Variants in SMU1 observed in about 807,000 individuals in gnomAD.
SMU1 encodes WD40 repeat-containing protein SMU1.
Under a neutral mutation model 62.0 loss-of-function variants are expected in SMU1, and 2 were observed. That is an observed-to-expected ratio of 0.03 (90% CI 0.01 to 0.10). SMU1 has a LOEUF of 0.10. Ranked by LOEUF, SMU1 falls within the 10% of genes least tolerant of loss-of-function variation. The pLI is 1.00. For synonymous variants in SMU1, 188 were observed against 212.4 expected, an observed-to-expected ratio of 0.89 and a Z score of 1.00; for missense variants, 227 against 622.1, an observed-to-expected ratio of 0.36 and a Z score of 6.76.
chr9:33,075,453 GTA>G (rs1186781536), intron 1 of SMU1, among the ~76,000 whole-genome samples: 1 of 151,952 alleles, frequency 6.6e-6, no homozygotes, highest in Non-Finnish European at 1.5e-5. Context: ...AGGTATGCAG[GTA>G]TCCAGACTTA....
In SMU1 at chr9:33,061,055, A is replaced by C. The variant is rs569712943; in HGVS notation, c.631-471T>G. On this transcript the variant is annotated intron_variant, in intron 5 of 11. Transcript: ENST00000397149. ...AATAAACTTTCTATCAGTGTTTCAC[A>C]ACCTTCATTTAATGAAGTGATAATG... Among the ~76,000 whole-genome samples, 3 of 152,350 alleles carry C rather than the reference A, an allele frequency of 2.0e-5. No homozygotes were observed. The South Asian group carries it at 6.2e-4, about 32-fold the overall frequency.
At chr9:33,055,987 T>C in intron 9 of SMU1, 126 bp downstream of exon 9, 3 of 937,750 alleles carry the variant, frequency 3.2e-6, no homozygotes, top group Non-Finnish European at 4.5e-6. Context: ...TCACCTCAAT[T>C]ACAGCTAAAA....
At chr9:33,071,982 T>A in intron 2 of SMU1, 90 bp from the exon 3 acceptor site, 1 of 1,295,494 alleles carries the variant, frequency 7.7e-7, no homozygotes, top group Non-Finnish European at 1.0e-6. Context: ...AACACAGATA[T>A]GGCCTGTCAA....
Position 33,048,154 on chromosome 9 carries a change from C to A in SMU1, c.1395G>T (p.Val465=). The change falls in exon 11 of 12, where the codon GTG becomes GTT. Residue 465 remains valine, a synonymous_variant. Coordinates refer to ENST00000397149, the MANE Select transcript of SMU1 (RefSeq NM_018225.3). ...CAGTGACTGTACTGAAACAGTAGAG[C>A]ACAAAGTCCTCCCCTACACAGTAGA... ...EWIYCVGEDF[V]LYCFSTVTGK... 6.2e-7 allele frequency: 1 copy of A among 1,614,044 alleles called. No individual in the cohort carries two copies.
chr9:33,075,803 T>C (rs1587715168), intron 1 of SMU1, among the ~76,000 whole-genome samples: 1 of 152,188 alleles, frequency 6.6e-6, no homozygotes, highest in Admixed American at 6.5e-5. Flanking sequence ...TCTGTTAATT[T>C]AATTATTATT....
At chr9:33,056,359 G>A in intron 8 of SMU1, 120 bp from the exon 9 acceptor site, 1 of 1,024,868 alleles carries the variant, frequency 9.8e-7, no homozygotes. Flanking sequence ...AAGTGAAGAG[G>A]GCTATGTGAT....
chr9:33,055,917 T>A (rs1189900917), intron 9 of SMU1, among the ~76,000 whole-genome samples, 196 bp downstream of exon 9: 1 of 152,210 alleles, frequency 6.6e-6, no homozygotes, highest in African/African-American at 2.4e-5. Flanking sequence ...TGAAAAGGTT[T>A]GAGATTGGGG....
At chr9:33,053,086 C>T (rs1839266984) in intron 10 of SMU1, 37 bp downstream of exon 10, 7 of 1,594,816 alleles carry the variant, frequency 4.4e-6, no homozygotes, top group Non-Finnish European at 6.0e-6. Flanking sequence ...GGGAATGGCC[C>T]ACAGTTCCTG....
intron 2 of SMU1, among the ~76,000 whole-genome samples, chr9:33,072,603 G>A (rs1429948010): frequency 2.0e-5 from 3 of 152,082 alleles, no homozygotes; most frequent in Non-Finnish European, 4.4e-5. Flanking sequence ...GGCTGAGGCA[G>A]GTGGATCACT....
At chr9:33,072,213 T>G (rs1453770489) in intron 2 of SMU1, among the ~76,000 whole-genome samples, 1 of 152,166 alleles carries the variant, frequency 6.6e-6, no homozygotes, top group African/African-American at 2.4e-5. Flanking sequence ...GGTATATGCC[T>G]GTAATTCCAG....
In SMU1 at chr9:33,068,809, C is replaced by T; in HGVS notation, c.501+15G>A. The T allele has an allele frequency of 3.1e-6, 5 of 1,613,310 alleles. No homozygotes were observed. Among genetic ancestry groups the T allele is most frequent in the Non-Finnish European group, 4.2e-6 (5 of 1,179,720 alleles). On this transcript the variant is annotated intron_variant, in intron 4 of 11. Transcript: ENST00000397149. ...TGTGAGCCACCACACCTGGCCTCTA[C>T]AGGAATTGAATTACCTGTCCCAGCA...
In SMU1 at chr9:33,071,791, T is replaced by C; in HGVS notation, c.339A>G (p.Arg113=). ...CCAAAAGGTTCTCCAGATGAATATA[T>C]CGCTCTGGCTGTGTTTGTTTTAACA... ...MIMLKQTQPE[R]YIHLENLLAR... is the part of the protein sequence containing the mutation. Residue 113 remains arginine (R), a synonymous_variant, in exon 3 of 12, where the codon CGA becomes CGG. Transcript: ENST00000397149. 6.2e-7 allele frequency: 1 copy of C among 1,612,458 alleles called. No homozygotes were observed. Among genetic ancestry groups the C allele is most frequent in the Non-Finnish European group, 8.5e-7 (1 of 1,179,530 alleles).
chr9:33,045,259 A>G lies in SMU1; in HGVS notation c.*2034T>C, dbSNP rs1430686779. The G allele has an allele frequency of 6.6e-6, 1 of 152,162 alleles. No individual in the cohort carries two copies. The highest frequency in any genetic ancestry group is 6.5e-5 in the Admixed American group (1 of 15,280). The allele number at this position is 152,162 out of a possible 1,614,324, so 9.4% of individuals were successfully genotyped here. On this transcript the variant is annotated 3_prime_UTR_variant, in exon 12 of 12. Transcript: ENST00000397149. ...TAGCATAAACTGTTTCCTCTAACTT[A>G]AACTTCTCTTAAGTGAACGTGTCTT...
intron 4 of SMU1, 146 bp from the exon 5 acceptor site, chr9:33,062,323 A>C: frequency 3.0e-6 from 3 of 1,004,934 alleles, no homozygotes; most frequent in Non-Finnish European, 4.2e-6. Flanking sequence ...ATCCAAACAT[A>C]AAGTAATCTG....
intron 4 of SMU1, among the ~76,000 whole-genome samples, chr9:33,067,496 C>CTT (rs1163444916): frequency 1.2e-4 from 16 of 129,650 alleles, no homozygotes; most frequent in East Asian, 2.2e-4. Flanking sequence ...AAGCAGCTTA[C>CTT]TTTTTTTTTT....
At chr9:33,076,507 C>T in intron 1 of SMU1, 76 bp downstream of exon 1, 1 of 1,579,982 alleles carries the variant, frequency 6.3e-7, no homozygotes, top group Non-Finnish European at 8.7e-7. Flanking sequence ...GATGCCTTCT[C>T]CCGAGTACCC....
intron 2 of SMU1, among the ~76,000 whole-genome samples, chr9:33,072,165 C>G (rs1287387431): frequency 6.6e-6 from 1 of 151,976 alleles, no homozygotes; most frequent in Non-Finnish European, 1.5e-5. Context: ...GAAACAGACT[C>G]TCTACTAAAA....
At chr9:33,070,572 T>C (rs1415739745) in intron 3 of SMU1, among the ~76,000 whole-genome samples, 4 of 152,234 alleles carry the variant, frequency 2.6e-5, no homozygotes, top group Non-Finnish European at 5.9e-5. Context: ...AAGAGATATC[T>C]GCACTCCCAT....
intron 10 of SMU1, among the ~76,000 whole-genome samples, chr9:33,051,554 C>T (rs1171575391): frequency 6.6e-6 from 1 of 152,110 alleles, no homozygotes; most frequent in African/African-American, 2.4e-5. Flanking sequence ...GAAGGCTGTG[C>T]CCGTGGGAGG....
Sources: allele counts gnomAD v4.1 joint callset (sites outside exome capture counted in the v4.1 genomes callset), GRCh38; gene constraint gnomAD v4.1.1; transcripts MANE v1.5; gene names NCBI Gene and HGNC (gene_info 2026-07-23, HGNC 2026-07-21).